RAB30: variants seen among roughly 807,000 people sequenced by gnomAD.
RAB30 encodes ras-related protein Rab-30.
A neutral mutation model predicts 25.1 loss-of-function variants in RAB30; 9 were observed. That is an observed-to-expected ratio of 0.36 (90% CI 0.22 to 0.63). The LOEUF is 0.63. Ranked by LOEUF, RAB30 falls within the 20% of genes least tolerant of loss-of-function variation. The pLI is 0.69. For missense variants in RAB30, 140 were observed against 243.5 expected (o/e 0.58, Z 2.83); for synonymous variants, 77 against 86.4 (o/e 0.89, Z 0.60).
intron 1 of RAB30, among the ~76,000 whole-genome samples, chr11:83,000,955 G>A (rs1857067017): frequency 6.9e-6 from 1 of 145,836 alleles, no homozygotes; most frequent in Non-Finnish European, 1.5e-5. Context: ...GCTGAGGTAG[G>A]AGAATGGCGT....
rs1189421543 is a variant in RAB30 at position 82,974,938 on chromosome 11, GTTTT to G, written c.*7223_*7226del. The G allele has an allele frequency of 8.4e-6, 1 of 119,128 alleles. No homozygotes were observed. The highest frequency in any genetic ancestry group is 2.5e-4 in the South Asian group (1 of 3,938). 7.4% of individuals were successfully genotyped at this position (119,128 alleles called of 1,614,324 possible). ...TCTGAAATTTTGAGCAGAGTTTGTT[GTTTT>G]TTCTTTTTTTTTTTTTTTTTGCTGA... On this transcript the variant is annotated 3_prime_UTR_variant, in exon 5 of 5. Transcript: ENST00000527633.
Position 83,021,647 on chromosome 11 carries a change from G to A in RAB30, c.-8-24323C>T, listed in dbSNP as rs11233425. ...CCCTTGGAGGCATGGGATCCAGCCC[G>A]GTAGCATGAGCTGAGCACAGCCTGC... On this transcript the variant is annotated intron_variant, in intron 1 of 4. Transcript: ENST00000527633. 8.6e-3 allele frequency among the ~76,000 whole-genome samples: 1,306 copies of A among 152,328 alleles called. 13 individuals carry two copies. The highest frequency in any genetic ancestry group is 0.014 in the Non-Finnish European group (950 of 68,022).
intron 3 of RAB30, among the ~76,000 whole-genome samples, chr11:82,992,975 T>C (rs1002494023): frequency 3.3e-5 from 5 of 152,188 alleles, no homozygotes; most frequent in Admixed American, 2.0e-4. Flanking sequence ...TCCCAAAGTA[T>C]TGGGATTATA....
At chr11:83,060,342 G>T (rs1040378619) in intron 1 of RAB30, among the ~76,000 whole-genome samples, 5 of 152,184 alleles carry the variant, frequency 3.3e-5, no homozygotes, top group African/African-American at 1.2e-4. Flanking sequence ...ATTATCGATA[G>T]ATGTTAAAAC....
intron 4 of RAB30, among the ~76,000 whole-genome samples, chr11:82,986,040 C>T (rs1211377329): frequency 6.6e-6 from 1 of 152,044 alleles, no homozygotes; most frequent in East Asian, 1.9e-4. Context: ...AATCATGAGT[C>T]GATCAGGGAA....
At chr11:83,068,263 A>T (rs145919804) in intron 1 of RAB30, among the ~76,000 whole-genome samples, 1,801 of 151,440 alleles carry the variant, frequency 0.012, 23 homozygotes, top group African/African-American at 0.034. Context: ...GCGCCATTGT[A>T]CTCCAGCAAG....
At chr11:83,050,594 A>T (rs1433570696) in intron 1 of RAB30, among the ~76,000 whole-genome samples, 1 of 152,208 alleles carries the variant, frequency 6.6e-6, no homozygotes, top group East Asian at 1.9e-4. Flanking sequence ...AAAAAACTAA[A>T]TGAGCAGTGG....
At chr11:83,065,257 G>T (rs373557706) in intron 1 of RAB30, among the ~76,000 whole-genome samples, 1 of 152,132 alleles carries the variant, frequency 6.6e-6, no homozygotes, top group Non-Finnish European at 1.5e-5. Flanking sequence ...AGGCATGGTG[G>T]TGCACACCTG....
Position 82,982,003 on chromosome 11 carries a change from G to C in RAB30, c.*162C>G, listed in dbSNP as rs1856646490. On this transcript the variant is annotated 3_prime_UTR_variant, in exon 5 of 5. Transcript: ENST00000527633. ...ACCATTATATGTTCTGCTAATGCTG[G>C]CCTGTGGTCGAGGCCCTTGGCCTGC... The C allele has an allele frequency of 2.3e-6, 2 of 886,606 alleles. No individual in the cohort carries two copies. Among genetic ancestry groups the C allele is most frequent in the Non-Finnish European group, 3.5e-6 (2 of 578,330 alleles). 54.9% of individuals were successfully genotyped at this position (886,606 alleles called of 1,614,324 possible). A position where few individuals can be genotyped will look rare whatever the true frequency, so the allele number is the denominator to read the frequency against.
intron 1 of RAB30, among the ~76,000 whole-genome samples, chr11:83,003,745 C>T (rs967870434): frequency 1.3e-5 from 2 of 151,610 alleles, no homozygotes; most frequent in African/African-American, 2.4e-5. Flanking sequence ...TATATACACT[C>T]GTGTCTATGT....
chr11:83,031,875 C>A lies in RAB30; in HGVS notation c.-8-34551G>T, dbSNP rs536167774. ...CAAAAAATGCATAGGTAAACTTAGT[C>A]GAGGTTCTTTTCTGCCTCTATTTGT... On this transcript the variant is annotated intron_variant, in intron 1 of 4. Transcript: ENST00000527633. 1.9e-4 allele frequency among the ~76,000 whole-genome samples: 29 copies of A among 152,266 alleles called. No individual in the cohort carries two copies. The South Asian group carries it at 3.9e-3, about 21-fold the overall frequency.
In RAB30 at chr11:82,982,030, AT is replaced by A. The variant is rs1201895168; in HGVS notation, c.*134del. On this transcript the variant is annotated 3_prime_UTR_variant, in exon 5 of 5. Coordinates refer to ENST00000527633, the MANE Select transcript of RAB30 (RefSeq NM_001286060.2). ...CTGTGGTCGAGGCCCTTGGCCTGCC[AT>A]GCTTTGTAAGCTCAGGAGCCCACAG... 8.0e-7 allele frequency: 1 copy of A among 1,257,690 alleles called. No homozygotes were observed. Among genetic ancestry groups the A allele is most frequent in the Non-Finnish European group, 1.1e-6 (1 of 901,724 alleles). 77.9% of individuals were successfully genotyped at this position (1,257,690 alleles called of 1,614,324 possible).
intron 1 of RAB30, among the ~76,000 whole-genome samples, chr11:83,056,087 C>T (rs554438096): frequency 2.0e-5 from 3 of 152,300 alleles, no homozygotes; most frequent in Admixed American, 1.3e-4. Context: ...AGTTCAATAA[C>T]ATGAAGTATA....
intron 1 of RAB30, among the ~76,000 whole-genome samples, chr11:83,020,354 C>T (rs1857543558): frequency 6.6e-6 from 1 of 152,256 alleles, no homozygotes; most frequent in Admixed American, 6.5e-5. Context: ...GGCACTGTCA[C>T]AGCCTGGCTG....
intron 1 of RAB30, among the ~76,000 whole-genome samples, chr11:83,014,694 G>GAAAGAAAGAAAGAA (rs1449563859): frequency 7.5e-6 from 1 of 132,638 alleles, no homozygotes; most frequent in African/African-American, 3.0e-5. Flanking sequence ...AAGAAAGAAA[G>GAAAGAAAGAAAGAA]AGAAAGGAAG....
At chr11:82,997,556 G>A (rs997833721) in intron 1 of RAB30, 6 of 451,962 alleles carry the variant, frequency 1.3e-5, no homozygotes, top group Non-Finnish European at 2.4e-5. Flanking sequence ...CGCAGATGTC[G>A]TTTCACCTGG....
chr11:83,061,734 A>G (rs1316644994), intron 1 of RAB30, among the ~76,000 whole-genome samples: 1 of 8,658 alleles, frequency 1.2e-4, no homozygotes, highest in African/African-American at 3.2e-4. Flanking sequence ...TTTTTTTTTT[A>G]AAGATGGGGT....
chr11:83,034,150 C>T (rs867986825), intron 1 of RAB30: 8 of 152,284 alleles, frequency 5.3e-5, no homozygotes, highest in African/African-American at 1.9e-4. Flanking sequence ...GAGCAAGAGC[C>T]CTCAGCCAGG....
At chr11:83,017,455 A>G (rs1339148197) in intron 1 of RAB30, among the ~76,000 whole-genome samples, 1 of 152,018 alleles carries the variant, frequency 6.6e-6, no homozygotes, top group Non-Finnish European at 1.5e-5. Flanking sequence ...TTTAGTGATA[A>G]TTTCTGAGAT....
Sources: gnomAD v4.1 joint callset for allele counts (sites outside exome capture counted in the v4.1 genomes callset) on GRCh38, gnomAD v4.1.1 for gene constraint, MANE v1.5 for transcripts, NCBI Gene and HGNC (gene_info 2026-07-23, HGNC 2026-07-21) for gene names.